Variants in MTHFD1L observed in about 807,000 individuals in gnomAD.
MTHFD1L encodes the protein monofunctional C1-tetrahydrofolate synthase, mitochondrial.
A neutral mutation model predicts 119.5 loss-of-function variants in MTHFD1L; 81 were observed. The ratio of observed to expected loss-of-function variants is 0.68; its 90% CI spans 0.57 to 0.82. The LOEUF is 0.82. MTHFD1L is among the 40% of genes least tolerant of loss of function. MTHFD1L has a pLI of 0.00. For missense variants in MTHFD1L, 1,125 were observed against 1,253.4 expected, an observed-to-expected ratio of 0.90 and a Z score of 1.55; for synonymous variants, 430 against 475.2, an observed-to-expected ratio of 0.90 and a Z score of 1.24.
At chr6:150,948,369 G>T (rs1032909233) in intron 15 of MTHFD1L, among the ~76,000 whole-genome samples, 23 of 151,886 alleles carry the variant, frequency 1.5e-4, no homozygotes, top group Admixed American at 7.2e-4. Context: ...ACTCAGGCTG[G>T]AGTGCAGTGG....
At chr6:151,019,704 G>C (rs896062894) in intron 24 of MTHFD1L, among the ~76,000 whole-genome samples, 13 of 152,130 alleles carry the variant, frequency 8.5e-5, no homozygotes, top group Middle Eastern at 3.2e-3. Context: ...CATGAAAAGA[G>C]CTGCTGCTGC....
At chr6:150,995,374 C>T (rs1374881532) in intron 20 of MTHFD1L, among the ~76,000 whole-genome samples, 2 of 151,812 alleles carry the variant, frequency 1.3e-5, no homozygotes, top group South Asian at 2.1e-4. Flanking sequence ...ATTAGCCAGG[C>T]GTGGTGGCAC....
chr6:151,094,694 C>T (rs1794745471), intron 27 of MTHFD1L, among the ~76,000 whole-genome samples: 1 of 152,040 alleles, frequency 6.6e-6, no homozygotes, highest in Non-Finnish European at 1.5e-5. Flanking sequence ...CAGGCGTCCA[C>T]CACCATGCCC....
intron 15 of MTHFD1L, 64 bp downstream of exon 15, chr6:150,945,605 C>G: frequency 2.7e-6 from 4 of 1,498,372 alleles, no homozygotes; most frequent in Non-Finnish European, 3.7e-6. Context: ...GAAAGATTGT[C>G]AAAGCCTGAA....
At position 150,926,131 on chromosome 6, in the gene MTHFD1L, G is replaced by A; in HGVS notation, c.1092G>A (p.Glu364=). The A allele has an allele frequency of 1.9e-6, 3 of 1,613,256 alleles. No homozygotes were observed. The highest frequency in any genetic ancestry group is 2.5e-6 in the Non-Finnish European group (3 of 1,179,382). ...QPLSPVPSDI[E]ISRGQTPKAV... ...TTGTCTTTCCCCTCAGTGACATTGA[G>A]ATTTCAAGAGGACAAACTCCAAAAG... The change falls in exon 11 of 28, where the codon GAG becomes GAA. Residue 364 remains glutamate, a synonymous_variant. Coordinates refer to ENST00000367321, the MANE Select transcript of MTHFD1L (RefSeq NM_015440.5). The surrounding 1 kb of genome is among the most constrained non-coding windows in gnomAD (Gnocchi z 4.3).
At chr6:150,868,486 C>T (rs1237296913) in intron 1 of MTHFD1L, among the ~76,000 whole-genome samples, 3 of 151,786 alleles carry the variant, frequency 2.0e-5, no homozygotes, top group Non-Finnish European at 4.4e-5. Flanking sequence ...ATTACAGGCT[C>T]GCACTACCAC....
chr6:150,918,534 A>G, intron 8 of MTHFD1L, 43 bp from the exon 9 acceptor site: 1 of 1,317,546 alleles, frequency 7.6e-7, no homozygotes, highest in Non-Finnish European at 1.1e-6. Flanking sequence ...GTTAGAAATG[A>G]CAGTGTACTG....
chr6:151,101,373 A>G (rs112832771), intron 27 of MTHFD1L, among the ~76,000 whole-genome samples, 153 bp from the exon 28 acceptor site: 3,849 of 152,154 alleles, frequency 0.025, 75 homozygotes, highest in Non-Finnish European at 0.04. Context: ...AAATATTCCA[A>G]ACACAGATCA....
chr6:150,905,355 A>G (rs1019218459), intron 7 of MTHFD1L, among the ~76,000 whole-genome samples: 1 of 151,940 alleles, frequency 6.6e-6, no homozygotes, highest in African/African-American at 2.4e-5. Flanking sequence ...TCTTGATATT[A>G]TAGTTAGTGG....
chr6:150,918,488 C>A (rs1788372771), intron 8 of MTHFD1L, 89 bp from the exon 9 acceptor site: 4 of 924,100 alleles, frequency 4.3e-6, no homozygotes, highest in African/African-American at 3.2e-5. Context: ...AATGAGACCA[C>A]TATTCAGTGT....
intron 7 of MTHFD1L, among the ~76,000 whole-genome samples, chr6:150,901,648 C>T (rs1382410817): frequency 2.0e-5 from 3 of 152,144 alleles, no homozygotes; most frequent in Admixed American, 2.0e-4. Context: ...GGTAGAGCCC[C>T]CTCCCTGCCC....
intron 26 of MTHFD1L, among the ~76,000 whole-genome samples, chr6:151,057,659 A>G (rs1360882691): frequency 6.6e-6 from 1 of 152,170 alleles, no homozygotes; most frequent in Non-Finnish European, 1.5e-5. Flanking sequence ...CATGAGACCT[A>G]GACTCCCCCT....
At chr6:150,885,967 G>A (rs1046412240) in intron 6 of MTHFD1L, among the ~76,000 whole-genome samples, 20 of 152,064 alleles carry the variant, frequency 1.3e-4, no homozygotes, top group Admixed American at 6.5e-4. Context: ...ACTTTTTCTA[G>A]TAAGACCATC....
chr6:150,914,458 G>A (rs1228145417), intron 8 of MTHFD1L, among the ~76,000 whole-genome samples: 3 of 152,162 alleles, frequency 2.0e-5, no homozygotes, highest in Non-Finnish European at 2.9e-5. Flanking sequence ...AGGAGCTCAA[G>A]ACCAGCTTGG....
chr6:151,021,770 C>T (rs1419508095), intron 24 of MTHFD1L, among the ~76,000 whole-genome samples: 1 of 152,188 alleles, frequency 6.6e-6, no homozygotes, highest in Non-Finnish European at 1.5e-5. Context: ...AAGACACTGA[C>T]GTTTTTCCTT....
chr6:150,875,471 G>C lies in MTHFD1L; in HGVS notation c.228-619G>C, dbSNP rs919979640. Among the ~76,000 whole-genome samples, 13 of 152,248 alleles carry C rather than the reference G, an allele frequency of 8.5e-5. No individual in the cohort carries two copies. The East Asian group carries it at 1.4e-3, about 16-fold the overall frequency. On this transcript the variant is annotated intron_variant, in intron 1 of 27. Coordinates refer to ENST00000367321, the MANE Select transcript of MTHFD1L (RefSeq NM_015440.5). Reference sequence around the variant, plus strand: ...GTGCAGACTATGTTGTGGATTCTCAGAGGACTGAGAAGCTCTCTGTCTCTC... The same window carrying C: ...GTGCAGACTATGTTGTGGATTCTCACAGGACTGAGAAGCTCTCTGTCTCTC...
chr6:151,005,946 G>C (rs1781325764), intron 20 of MTHFD1L, among the ~76,000 whole-genome samples: 1 of 152,106 alleles, frequency 6.6e-6, no homozygotes, highest in African/African-American at 2.4e-5. Context: ...GAACATATTT[G>C]TACTTCTATG....
chr6:151,001,166 G>A (rs2128465038), intron 20 of MTHFD1L, among the ~76,000 whole-genome samples: 1 of 152,250 alleles, frequency 6.6e-6, no homozygotes, highest in Admixed American at 6.5e-5. Flanking sequence ...AACTCAATAT[G>A]TTGTATATTT....
chr6:151,014,954 C>T lies in MTHFD1L; in HGVS notation c.2382C>T (p.Pro794=), dbSNP rs370947787. The T allele has an allele frequency of 7.4e-6, 12 of 1,613,932 alleles. No individual in the cohort carries two copies. The highest frequency in any genetic ancestry group is 1.7e-5 in the Admixed American group (1 of 59,992). ...QIQITQLFGV[P]VVVALNVFKT... Reference sequence around the variant, plus strand: ...AGATCACTCAGCTCTTTGGGGTTCCCGTTGTGGTGGCTCTGAATGTCTTCA... The same window carrying T: ...AGATCACTCAGCTCTTTGGGGTTCCTGTTGTGGTGGCTCTGAATGTCTTCA... Residue 794 remains proline, a synonymous_variant, in exon 23 of 28, where the codon CCC becomes CCT. Transcript: ENST00000367321.
Sources: gnomAD v4.1 joint callset for allele counts (sites outside exome capture counted in the v4.1 genomes callset) on GRCh38, gnomAD v4.1.1 for gene constraint, Gnocchi (gnomAD v3.1) non-coding constraint, MANE v1.5 for transcripts, NCBI Gene and HGNC (gene_info 2026-07-23, HGNC 2026-07-21) for gene names.